ATM: variants seen among roughly 807,000 people sequenced by gnomAD.
The protein encoded by ATM is serine-protein kinase ATM.
In ATM, 308 loss-of-function variants were observed where a neutral mutation model predicts 387.0. That is an observed-to-expected ratio of 0.80 (90% CI 0.73 to 0.87). The LOEUF (loss-of-function observed/expected upper bound fraction) is 0.87. ATM is among the 40% of genes least tolerant of loss of function. The probability of loss-of-function intolerance (pLI) is 0.00; values close to 1 mark genes in which losing one functional copy is unlikely to be tolerated. For missense variants in ATM, 3,312 were observed against 3,560.9 expected, an observed-to-expected ratio of 0.93 and a Z score of 1.78; for synonymous variants, 1,156 against 1,187.3, an observed-to-expected ratio of 0.97 and a Z score of 0.54.
rs2086712721 is a variant in ATM, at chr11:108,335,270, T to G, written c.8151+161T>G. 2.0e-6 allele frequency: 3 copies of G among 1,523,100 alleles called. No homozygotes were observed. In the South Asian group the frequency reaches 3.6e-5, roughly 19 times the overall value. 94.3% of individuals were successfully genotyped at this position (1,523,100 alleles called of 1,614,324 possible). On this transcript the variant is annotated intron_variant, in intron 55 of 62. Coordinates refer to ENST00000675843, the MANE Select transcript of ATM (RefSeq NM_000051.4). ...AATGCATTATTTTCTAGAACCAGGC[T>G]TTTCTCCATTTTTTTTGTGTCTCTG...
Position 108,244,916 on chromosome 11 carries a change from A to G in ATM, c.791A>G (p.Tyr264Cys), listed in dbSNP as rs730881338. 3 of 1,613,620 alleles carry G rather than the reference A, an allele frequency of 1.9e-6. No homozygotes were observed. The highest frequency in any genetic ancestry group is 2.5e-6 in the Non-Finnish European group (3 of 1,179,776). The change falls in exon 7 of 63, where the codon TAT becomes TGT. Residue 264 changes from tyrosine to cysteine, a missense_variant. Physicochemically the swap from Tyr to Cys is radical, Grantham distance 194. Coordinates refer to ENST00000675843, the MANE Select transcript of ATM (RefSeq NM_000051.4). The part of the protein sequence containing the change: ...LGDEILPTLL[Y>C]IWTQHRLNDS... Reference sequence around the variant, plus strand: ...GATGAAATTCTTCCCACTTTGCTTTATATTTGGACTCAACATAGGCTTAAT... The same window carrying G: ...GATGAAATTCTTCCCACTTTGCTTTGTATTTGGACTCAACATAGGCTTAAT...
intron 47 of ATM, chr11:108,327,318 T>C (rs1156908915): frequency 1.0e-5 from 3 of 290,200 alleles, no homozygotes; most frequent in African/African-American, 6.6e-5. Flanking sequence ...CAAATTGGGG[T>C]AATAATAGTA....
intron 9 of ATM, among the ~76,000 whole-genome samples, chr11:108,249,306 G>C (rs2080014920): frequency 6.6e-6 from 1 of 152,154 alleles, no homozygotes; most frequent in African/African-American, 2.4e-5. Context: ...CAAGTGCAGG[G>C]CCACCTATTT....
In ATM at chr11:108,263,762, G is replaced by T. The variant is rs1304144885; in HGVS notation, c.2467-3409G>T. On this transcript the variant is annotated intron_variant, in intron 16 of 62. Transcript: ENST00000675843. Reference sequence around the variant, plus strand: ...GACTAATAAAGAAAAAAAGAGAGAAGAATCAAATAGACGCAATAAAAAATG... The same window carrying T: ...GACTAATAAAGAAAAAAAGAGAGAATAATCAAATAGACGCAATAAAAAATG... Among the ~76,000 whole-genome samples, 285 of 146,980 alleles carry T rather than the reference G, an allele frequency of 1.9e-3. 2 individuals are homozygous for T. Among genetic ancestry groups the T allele is most frequent in the African/African-American group, 6.9e-3 (272 of 39,642 alleles).
chr11:108,274,211 G>A (rs1436458420), intron 22 of ATM, among the ~76,000 whole-genome samples: 1 of 152,122 alleles, frequency 6.6e-6, no homozygotes, highest in African/African-American at 2.4e-5. Flanking sequence ...GGGATCAGTG[G>A]TATTATCCTC....
intron 4 of ATM, among the ~76,000 whole-genome samples, chr11:108,234,330 TTG>T (rs911434270): frequency 3.3e-5 from 5 of 152,186 alleles, no homozygotes; most frequent in Non-Finnish European, 5.9e-5. Context: ...TTTACATGAG[TTG>T]TGTTCTGCTC....
chr11:108,343,278 C>G lies in ATM; in HGVS notation c.8325C>G (p.Pro2775=). The G allele has an allele frequency of 1.2e-6, 2 of 1,613,994 alleles. No homozygotes were observed. The highest frequency in any genetic ancestry group is 1.7e-6 in the Non-Finnish European group (2 of 1,179,926). The change falls in exon 57 of 63, where the codon CCC becomes CCG. Residue 2775 remains proline, a synonymous_variant. Coordinates refer to ENST00000675843, the MANE Select transcript of ATM (RefSeq NM_000051.4). ...TTGAATGGTGCACAGGAACTGTCCCCATTGGTGAATTTCTTGTTAACAATG... is the reference window on the plus strand; with the variant it reads ...TTGAATGGTGCACAGGAACTGTCCCGATTGGTGAATTTCTTGTTAACAATG... The part of the protein sequence containing the change: ...GVLEWCTGTV[P]IGEFLVNNED...
At chr11:108,253,433 C>T (rs1182175259) in intron 12 of ATM, among the ~76,000 whole-genome samples, 3 of 152,068 alleles carry the variant, frequency 2.0e-5, no homozygotes, top group African/African-American at 7.2e-5. Flanking sequence ...CTTACCTATA[C>T]CAGATGTTAA....
chr11:108,319,808 T>G, intron 43 of ATM, 146 bp from the exon 44 acceptor site: 1 of 638,830 alleles, frequency 1.6e-6, no homozygotes. Flanking sequence ...ATAAAATTTG[T>G]ATTTCTTACC....
chr11:108,266,766 C>T (rs1591585102), intron 16 of ATM, among the ~76,000 whole-genome samples: 1 of 151,322 alleles, frequency 6.6e-6, no homozygotes, highest in South Asian at 2.1e-4. Context: ...TACACATGAA[C>T]CTTGAATTGT....
intron 22 of ATM, among the ~76,000 whole-genome samples, chr11:108,273,314 C>G (rs1347683572): frequency 7.3e-6 from 1 of 136,578 alleles, no homozygotes. Flanking sequence ...CTGGAATAAA[C>G]ATATATTAAT....
chr11:108,335,990 C>T (rs1165432894), intron 56 of ATM, 29 bp downstream of exon 56: 2 of 1,524,830 alleles, frequency 1.3e-6, no homozygotes, highest in Non-Finnish European at 1.8e-6. Flanking sequence ...GTTAGTTCAC[C>T]AAAAACATAT....
In ATM at chr11:108,279,349, G is replaced by A. The variant is rs1489032033; in HGVS notation, c.3285-142G>A. 11 of 677,962 alleles carry A rather than the reference G, an allele frequency of 1.6e-5. No individual in the cohort carries two copies. The Admixed American group carries it at 2.5e-4, about 16-fold the overall frequency. The allele number at this position is 677,962 out of a possible 1,614,324, so 42.0% of individuals were successfully genotyped here. On this transcript the variant is annotated intron_variant, in intron 22 of 62. Transcript: ENST00000675843. ...ACCTCTTTAAATAAACTCAGGTTTT[G>A]TTAGTCTTTAAGAAAGAGCTAGTAT...
chr11:108,247,541 T>G (rs1424303966), intron 8 of ATM, among the ~76,000 whole-genome samples: 3 of 152,186 alleles, frequency 2.0e-5, no homozygotes, highest in Non-Finnish European at 4.4e-5. Flanking sequence ...CAGTGGTTTT[T>G]AGTATTTTTA....
chr11:108,227,640 AATG>A lies in ATM; in HGVS notation c.19_21del (p.Asp7del). On this transcript the variant is annotated inframe_deletion, in exon 2 of 63. Transcript: ENST00000675843. ...ATTGTGAACCATGAGTCTAGTACTT[AATG>A]ATCTGCTTATCTGCTGCCGTCAACT... 1 of 1,613,818 alleles carries A rather than the reference AATG, an allele frequency of 6.2e-7. No individual in the cohort carries two copies. The highest frequency in any genetic ancestry group is 8.5e-7 in the Non-Finnish European group (1 of 1,179,846).
chr11:108,319,426 A>C (rs1365814354), intron 43 of ATM, among the ~76,000 whole-genome samples: 3 of 152,062 alleles, frequency 2.0e-5, no homozygotes, highest in Non-Finnish European at 2.9e-5. Context: ...CTTTTCCCCC[A>C]GTTACCATGC....
At chr11:108,281,229 A>T (rs1195972642) in intron 24 of ATM, 61 bp downstream of exon 24, 1 of 1,554,118 alleles carries the variant, frequency 6.4e-7, no homozygotes, top group Admixed American at 1.7e-5. Flanking sequence ...TAATTTAAAA[A>T]GTTAAAGCTA....
intron 44 of ATM, 127 bp downstream of exon 44, chr11:108,320,185 A>G: frequency 1.4e-6 from 1 of 727,768 alleles, no homozygotes; most frequent in East Asian, 2.7e-5. Context: ...GGTGGCTGTG[A>G]TCAGATGTTT....
At chr11:108,249,186 A>G (rs2080007858) in intron 9 of ATM, 84 bp downstream of exon 9, 1 of 1,482,146 alleles carries the variant, frequency 6.7e-7, no homozygotes, top group Admixed American at 1.7e-5. Context: ...GAATCCTTTC[A>G]TCTCAACCAG....
Sources: gnomAD v4.1 joint callset for allele counts (sites outside exome capture counted in the v4.1 genomes callset) on GRCh38, gnomAD v4.1.1 for gene constraint, MANE v1.5 for transcripts, NCBI Gene and HGNC (gene_info 2026-07-23, HGNC 2026-07-21) for gene names.